The following ARHGAP29 variants were observed in gnomAD, a reference collection of about 807,000 sequenced individuals.
ARHGAP29 encodes the protein Rho GTPase activating protein 29, also known as rho GTPase-activating protein 29.
A neutral mutation model predicts 122.6 loss-of-function variants in ARHGAP29; 43 were observed. The ratio of observed to expected loss-of-function variants is 0.35; its 90% confidence interval spans 0.27 to 0.45. ARHGAP29 has a LOEUF of 0.45. Among genes scored for constraint, ARHGAP29 ranks in the 20% least tolerant of loss-of-function variants. The pLI, the probability that ARHGAP29 is intolerant of heterozygous loss-of-function variation, is 1.00. For missense variants in ARHGAP29, 1,303 were observed against 1,477.2 expected (o/e 0.88, Z 1.93); for synonymous variants, 506 against 497.1 (o/e 1.02, Z -0.24).
chr1:94,287,952 G>A, the ARHGAP29 span, among the ~76,000 whole-genome samples: 20 of 152,030 alleles, frequency 1.3e-4, no homozygotes, highest in Non-Finnish European at 2.5e-4. Flanking sequence ...GAATAGTCCC[G>A]CAATAAACAT....
chr1:94,204,062 T>G (rs1651037439), intron 7 of ARHGAP29, 68 bp from the exon 8 acceptor site: 2 of 1,235,296 alleles, frequency 1.6e-6, no homozygotes, highest in Non-Finnish European at 2.4e-6. Flanking sequence ...ACTCTAAAAT[T>G]ACTTGTAGTA....
Position 94,177,725 on chromosome 1 carries a change from T to G in ARHGAP29, c.2797-5A>C. On this transcript the variant is annotated splice_region_variant and splice_polypyrimidine_tract_variant and intron_variant, in intron 21 of 22. Coordinates refer to ENST00000260526, the MANE Select transcript of ARHGAP29 (RefSeq NM_004815.4). Reference sequence around the variant, plus strand: ...ACTCTCTGAAGTATGGATATCCTGTTGATGCAAGATAATTTTTAAAATGGA... The same window carrying G: ...ACTCTCTGAAGTATGGATATCCTGTGGATGCAAGATAATTTTTAAAATGGA... 6.2e-7 allele frequency: 1 copy of G among 1,600,978 alleles called. No homozygotes were observed. Among genetic ancestry groups the G allele is most frequent in the Non-Finnish European group, 8.5e-7 (1 of 1,174,064 alleles).
chr1:94,228,731 T>G (rs1268792244), intron 2 of ARHGAP29, among the ~76,000 whole-genome samples: 1 of 151,808 alleles, frequency 6.6e-6, no homozygotes, highest in Non-Finnish European at 1.5e-5. Flanking sequence ...ATACATCATT[T>G]CTAACTACTT....
chr1:94,256,668 C>T (rs899607708), intron 1 of ARHGAP29, among the ~76,000 whole-genome samples: 1 of 148,276 alleles, frequency 6.7e-6, no homozygotes, highest in East Asian at 2.1e-4. Context: ...ACGCCATTCT[C>T]CTGCCTCAGC....
At chr1:94,312,176 C>A in the ARHGAP29 span, among the ~76,000 whole-genome samples, 1 of 152,084 alleles carries the variant, frequency 6.6e-6, no homozygotes, top group Admixed American at 6.6e-5. Context: ...TTTCTCTTGA[C>A]TATATTCCAG....
chr1:94,181,371 G>A (rs919136573), intron 19 of ARHGAP29, among the ~76,000 whole-genome samples: 3 of 152,150 alleles, frequency 2.0e-5, no homozygotes, highest in African/African-American at 7.2e-5. Flanking sequence ...ATAAAACAGA[G>A]AGTCTCTGGA....
chr1:94,259,668 C>T (rs927121846), intron 1 of ARHGAP29, among the ~76,000 whole-genome samples: 2 of 152,234 alleles, frequency 1.3e-5, no homozygotes, highest in African/African-American at 4.8e-5. Flanking sequence ...GGAGAAGCAA[C>T]GAGGGATTCA....
intron 11 of ARHGAP29, chr1:94,202,059 A>G (rs1364715425): frequency 2.0e-6 from 1 of 496,756 alleles, no homozygotes; most frequent in East Asian, 3.4e-5. Flanking sequence ...TATAATTAGT[A>G]CACTGTCTAT....
intron 2 of ARHGAP29, among the ~76,000 whole-genome samples, chr1:94,222,673 T>C (rs1463617372): frequency 6.6e-6 from 1 of 152,094 alleles, no homozygotes; most frequent in Non-Finnish European, 1.5e-5. Context: ...TAATAAAGAA[T>C]ATTAGAGGAA....
chr1:94,235,281 C>T (rs1397115121), intron 1 of ARHGAP29, among the ~76,000 whole-genome samples: 1 of 152,160 alleles, frequency 6.6e-6, no homozygotes, highest in African/African-American at 2.4e-5. Context: ...GAAGCTGGAA[C>T]AATACACACT....
chr1:94,187,273 T>G (rs989461607), intron 15 of ARHGAP29, among the ~76,000 whole-genome samples: 1 of 152,228 alleles, frequency 6.6e-6, no homozygotes, highest in Admixed American at 6.5e-5. Flanking sequence ...AGAATTCACC[T>G]TAACGTAAGG....
chr1:94,177,535 C>A, intron 22 of ARHGAP29, 77 bp downstream of exon 22: 1 of 1,108,492 alleles, frequency 9.0e-7, no homozygotes. Flanking sequence ...CATTGCCCCT[C>A]ACCTTGGTTT....
At chr1:94,209,583 A>T (rs1033324932) in intron 3 of ARHGAP29, among the ~76,000 whole-genome samples, 1 of 152,216 alleles carries the variant, frequency 6.6e-6, no homozygotes, top group Non-Finnish European at 1.5e-5. Flanking sequence ...TACTCCATGG[A>T]TTACATAATT....
intron 15 of ARHGAP29, 40 bp from the exon 16 acceptor site, chr1:94,186,637 T>C (rs756812039): frequency 4.3e-6 from 6 of 1,382,732 alleles, no homozygotes; most frequent in Non-Finnish European, 5.1e-6. Context: ...GACCATTCAT[T>C]GTAGAATCTT....
At chr1:94,185,293 A>G in intron 17 of ARHGAP29, 49 bp downstream of exon 17, 1 of 1,510,162 alleles carries the variant, frequency 6.6e-7, no homozygotes, top group Admixed American at 2.5e-5. Flanking sequence ...ACAAAAAAGT[A>G]TAAAACAAAA....
intron 1 of ARHGAP29, among the ~76,000 whole-genome samples, chr1:94,245,374 G>A (rs886979126): frequency 2.6e-5 from 4 of 152,112 alleles, no homozygotes; most frequent in African/African-American, 7.2e-5. Context: ...ACAGCCTTAC[G>A]ATGGAATACT....
the ARHGAP29 span, among the ~76,000 whole-genome samples, chr1:94,292,258 T>A: frequency 6.6e-6 from 1 of 152,232 alleles, no homozygotes; most frequent in Non-Finnish European, 1.5e-5. Context: ...TACTGAAGCC[T>A]GTGTATGCTT....
At chr1:94,286,315 T>C in the ARHGAP29 span, among the ~76,000 whole-genome samples, 1 of 152,120 alleles carries the variant, frequency 6.6e-6, no homozygotes, top group South Asian at 2.1e-4. Flanking sequence ...GGCTTCAACA[T>C]ATGAATTTGG....
chr1:94,218,094 T>C (rs911992510), intron 3 of ARHGAP29, among the ~76,000 whole-genome samples: 2 of 152,196 alleles, frequency 1.3e-5, no homozygotes, highest in African/African-American at 4.8e-5. Context: ...TTAAGTTGAT[T>C]TGACCTCAAT....
Sources: allele counts gnomAD v4.1 joint callset (sites outside exome capture counted in the v4.1 genomes callset), GRCh38; gene constraint gnomAD v4.1.1; transcripts MANE v1.5; gene names NCBI Gene and HGNC (gene_info 2026-07-23, HGNC 2026-07-21).